The following AKT3 variants were observed in gnomAD, a reference collection of about 807,000 sequenced individuals.
AKT3 encodes the protein RAC-gamma serine/threonine-protein kinase.
In AKT3, 15 loss-of-function variants were observed where a neutral mutation model predicts 65.3. That is an observed-to-expected ratio of 0.23 (90% CI 0.15 to 0.35). The LOEUF is 0.35. Among genes scored for constraint, AKT3 ranks in the 10% least tolerant of loss-of-function variants. The probability of loss-of-function intolerance (pLI) is 1.00; values close to 1 mark genes in which losing one functional copy is unlikely to be tolerated. For missense variants in AKT3, 243 were observed against 576.5 expected (o/e 0.42, Z 5.92); for synonymous variants, 206 against 183.8 (o/e 1.12, Z -0.98).
At chr1:243,548,820 A>C (rs894536274) in intron 11 of AKT3, among the ~76,000 whole-genome samples, 1 of 152,258 alleles carries the variant, frequency 6.6e-6, no homozygotes, top group Admixed American at 6.5e-5. Flanking sequence ...ATGGAGACTA[A>C]GAAATAAAAG....
intron 11 of AKT3, chr1:243,547,952 TG>T (rs1440367196): frequency 2.0e-5 from 3 of 152,352 alleles, no homozygotes; most frequent in Non-Finnish European, 4.4e-5. Context: ...ATTTTCAGAC[TG>T]GTAGTTCTGT....
intron 12 of AKT3, among the ~76,000 whole-genome samples, chr1:243,513,330 G>A (rs985658297): frequency 2.6e-5 from 4 of 152,150 alleles, no homozygotes; most frequent in South Asian, 2.1e-4. Context: ...GTCAGAGTGC[G>A]TGCTCTGCAG....
At chr1:243,551,726 G>A (rs1375377965) in intron 11 of AKT3, among the ~76,000 whole-genome samples, 1 of 152,070 alleles carries the variant, frequency 6.6e-6, no homozygotes, top group Non-Finnish European at 1.5e-5. Flanking sequence ...ACCTAGATGG[G>A]AAGGCAGATA....
intron 2 of AKT3, among the ~76,000 whole-genome samples, chr1:243,806,235 T>C (rs1692718997): frequency 6.6e-6 from 1 of 152,222 alleles, no homozygotes; most frequent in East Asian, 1.9e-4. Flanking sequence ...TTTAAATGAT[T>C]TTAGGTTGCT....
intron 3 of AKT3, among the ~76,000 whole-genome samples, chr1:243,672,978 A>T (rs1411565637): frequency 2.0e-5 from 3 of 152,222 alleles, no homozygotes; most frequent in African/African-American, 7.2e-5. Flanking sequence ...GACATAAGGC[A>T]TTTACTAAAA....
At chr1:243,506,902 A>C (rs1159576418) in intron 13 of AKT3, among the ~76,000 whole-genome samples, 1 of 152,244 alleles carries the variant, frequency 6.6e-6, no homozygotes, top group Non-Finnish European at 1.5e-5. Context: ...CTTCAGCAGT[A>C]TTTTTAGCTA....
intron 2 of AKT3, among the ~76,000 whole-genome samples, chr1:243,735,899 T>C (rs2148159840): frequency 6.6e-6 from 1 of 152,304 alleles, no homozygotes; most frequent in East Asian, 1.9e-4. Flanking sequence ...TATTAAAAAG[T>C]AAAATTATTC....
intron 2 of AKT3, among the ~76,000 whole-genome samples, chr1:243,790,583 TG>T (rs1420597955): frequency 1.3e-5 from 2 of 152,322 alleles, no homozygotes; most frequent in Admixed American, 1.3e-4. Flanking sequence ...TTATCATTCA[TG>T]GGTTCACTGG....
intron 2 of AKT3, among the ~76,000 whole-genome samples, chr1:243,720,038 C>A (rs886525192): frequency 1.3e-5 from 2 of 152,094 alleles, no homozygotes; most frequent in African/African-American, 2.4e-5. Flanking sequence ...GGTGGCCGGG[C>A]GCGGTGCCTC....
chr1:243,610,609 T>A (rs191807927), intron 8 of AKT3, among the ~76,000 whole-genome samples: 230 of 152,336 alleles, frequency 1.5e-3, no homozygotes, highest in Middle Eastern at 0.01. Context: ...TTTCAACTAT[T>A]AGATAATACA....
intron 2 of AKT3, among the ~76,000 whole-genome samples, chr1:243,718,266 G>A (rs375875709): frequency 6.6e-6 from 1 of 152,140 alleles, no homozygotes; most frequent in Non-Finnish European, 1.5e-5. Flanking sequence ...CACAACTGGG[G>A]ACATGGATGT....
chr1:243,850,025 G>C lies in AKT3; in HGVS notation c.-113+15C>G. On this transcript the variant is annotated intron_variant, in intron 1 of 13. Transcript: ENST00000673466. ...AGGCGGGGAGGGGGCTAGAGTTGGG[G>C]GCGGTGGCTGTTACCTGCAACGGCG... 2 of 986,874 alleles carry C rather than the reference G, an allele frequency of 2.0e-6. No individual in the cohort carries two copies. The highest frequency in any genetic ancestry group is 2.4e-6 in the Non-Finnish European group (2 of 831,112). 61.1% of individuals were successfully genotyped at this position (986,874 alleles called of 1,614,324 possible). A position where few individuals can be genotyped will look rare whatever the true frequency, so the allele number is the denominator to read the frequency against.
At chr1:243,615,432 A>T (rs1170186146) in intron 6 of AKT3, among the ~76,000 whole-genome samples, 5 of 152,178 alleles carry the variant, frequency 3.3e-5, no homozygotes, top group Admixed American at 1.3e-4. Flanking sequence ...ATCAGTCAGA[A>T]AATTATCAGG....
chr1:243,584,963 T>C (rs1323187819), intron 8 of AKT3, among the ~76,000 whole-genome samples: 1 of 151,956 alleles, frequency 6.6e-6, no homozygotes, highest in Non-Finnish European at 1.5e-5. Flanking sequence ...AGTATAACTA[T>C]CTCTCTTTAC....
chr1:243,615,568 A>G (rs1436368144), intron 6 of AKT3, among the ~76,000 whole-genome samples: 6 of 152,198 alleles, frequency 3.9e-5, no homozygotes, highest in African/African-American at 7.2e-5. Flanking sequence ...ATGAAAGGAT[A>G]TATTTCCCAA....
intron 2 of AKT3, among the ~76,000 whole-genome samples, chr1:243,766,876 G>A (rs1689862695): frequency 6.6e-6 from 1 of 152,084 alleles, no homozygotes; most frequent in Non-Finnish European, 1.5e-5. Flanking sequence ...TTTCTAGTCT[G>A]GTGATTTGTC....
intron 2 of AKT3, chr1:243,739,437 GA>G (rs1330559337): frequency 1.3e-5 from 2 of 152,054 alleles, no homozygotes; most frequent in African/African-American, 4.8e-5. Flanking sequence ...AAAGTTAAAG[GA>G]AAACATATTG....
At chr1:243,516,064 T>A (rs1002000117) in intron 12 of AKT3, among the ~76,000 whole-genome samples, 21 of 152,220 alleles carry the variant, frequency 1.4e-4, no homozygotes, top group African/African-American at 5.1e-4. Flanking sequence ...CATCTTCAAT[T>A]TTCTGGAATA....
chr1:243,583,096 A>C (rs1345350845), intron 8 of AKT3, among the ~76,000 whole-genome samples: 3 of 149,524 alleles, frequency 2.0e-5, no homozygotes, highest in Non-Finnish European at 4.4e-5. Flanking sequence ...CCATATATAT[A>C]TATATCTCTC....
Sources: gnomAD v4.1 joint callset for allele counts (sites outside exome capture counted in the v4.1 genomes callset) on GRCh38, gnomAD v4.1.1 for gene constraint, MANE v1.5 for transcripts, NCBI Gene and HGNC (gene_info 2026-07-23, HGNC 2026-07-21) for gene names.